SGCZ: variants seen among roughly 807,000 people sequenced by gnomAD.
SGCZ encodes the protein sarcoglycan zeta.
In SGCZ, 40 loss-of-function variants were observed where a neutral mutation model predicts 41.3. That is an observed-to-expected ratio of 0.97 (90% CI 0.75 to 1.26). The LOEUF is 1.26. Ranked by LOEUF, SGCZ falls within the 50% of genes most tolerant of loss-of-function variation. SGCZ has a pLI of 0.00. For synonymous variants in SGCZ, 206 were observed against 137.5 expected (o/e 1.50, Z -3.49); for missense variants, 552 against 369.8 (o/e 1.49, Z -4.04).
chr8:14,666,201 AAGC>A (rs1372865747), intron 1 of SGCZ, among the ~76,000 whole-genome samples: 1 of 152,194 alleles, frequency 6.6e-6, no homozygotes, highest in African/African-American at 2.4e-5. Context: ...AAGTCTCATG[AAGC>A]ATCCTATTAC....
intron 2 of SGCZ, among the ~76,000 whole-genome samples, chr8:14,486,172 C>T (rs1801668790): frequency 6.6e-6 from 1 of 152,126 alleles, no homozygotes; most frequent in African/African-American, 2.4e-5. Context: ...TAAATATAGC[C>T]ACACTATCTT....
At chr8:14,113,330 T>C (rs369554072) in intron 5 of SGCZ, among the ~76,000 whole-genome samples, 31 of 152,240 alleles carry the variant, frequency 2.0e-4, no homozygotes, top group African/African-American at 7.5e-4. Flanking sequence ...TCTGAACATA[T>C]TTAGGGTTTA....
At chr8:14,358,981 T>G in intron 2 of SGCZ, among the ~76,000 whole-genome samples, 1 of 152,282 alleles carries the variant, frequency 6.6e-6, no homozygotes, top group East Asian at 1.9e-4. Context: ...CCTGCTCTTT[T>G]GTTTTTTGAA....
Position 15,237,662 on chromosome 8 carries a change from T to C in SGCZ, c.-39A>G. 1 of 1,565,136 alleles carries C rather than the reference T, an allele frequency of 6.4e-7. No homozygotes were observed. On this transcript the variant is annotated 5_prime_UTR_variant, in exon 1 of 8. Coordinates refer to ENST00000382080, the MANE Select transcript of SGCZ (RefSeq NM_139167.4). ...ACGAAGTGGAGAGGAACCGGGCGAG[T>C]GGCACCCAAAAACAATCTAGTCTTT... is the stretch of plus-strand genomic sequence containing the variant.
intron 2 of SGCZ, among the ~76,000 whole-genome samples, chr8:14,440,660 T>C (rs984620179): frequency 1.3e-5 from 2 of 150,002 alleles, no homozygotes; most frequent in Admixed American, 6.8e-5. Context: ...CATGTATATA[T>C]GTGTCTGTAT....
intron 1 of SGCZ, among the ~76,000 whole-genome samples, chr8:14,789,159 C>T (rs1416149218): frequency 1.3e-5 from 2 of 152,036 alleles, no homozygotes; most frequent in Non-Finnish European, 2.9e-5. Context: ...ACACTGGGCA[C>T]TATGCACGAT....
At chr8:14,551,561 A>ATATATAATATATAATATATAT (rs1803851533) in intron 2 of SGCZ, among the ~76,000 whole-genome samples, 7 of 17,900 alleles carry the variant, frequency 3.9e-4, no homozygotes, top group African/African-American at 7.1e-4. Flanking sequence ...AATATATATT[A>ATATATAATATATAATATATAT]TATATATAAT....
intron 1 of SGCZ, among the ~76,000 whole-genome samples, chr8:15,084,355 C>T (rs937415685): frequency 6.6e-6 from 1 of 152,142 alleles, no homozygotes; most frequent in African/African-American, 2.4e-5. Context: ...AGATTATTGA[C>T]TACATGTCAC....
chr8:14,326,030 C>G (rs563535839), intron 2 of SGCZ, among the ~76,000 whole-genome samples: 8 of 138,148 alleles, frequency 5.8e-5, no homozygotes, highest in Admixed American at 2.3e-4. Flanking sequence ...GAGAATGGCA[C>G]GAACCCGGGA....
intron 2 of SGCZ, among the ~76,000 whole-genome samples, chr8:14,399,448 A>T (rs1486761202): frequency 6.6e-6 from 1 of 152,080 alleles, no homozygotes; most frequent in East Asian, 1.9e-4. Flanking sequence ...GTTTTTTAAA[A>T]TGTCTTTCTC....
At chr8:15,032,000 G>A (rs955144004) in intron 1 of SGCZ, among the ~76,000 whole-genome samples, 2 of 145,326 alleles carry the variant, frequency 1.4e-5, no homozygotes, top group South Asian at 2.3e-4. Context: ...ACCAAATGTC[G>A]GACAGAAAAA....
intron 1 of SGCZ, among the ~76,000 whole-genome samples, chr8:14,935,625 T>TA (rs1419404567): frequency 2.0e-5 from 3 of 151,692 alleles, no homozygotes; most frequent in Admixed American, 2.0e-4. Context: ...AAGGTGCAGA[T>TA]AAAAAGTCAA....
intron 1 of SGCZ, among the ~76,000 whole-genome samples, chr8:14,949,240 G>C (rs368950749): frequency 6.6e-6 from 1 of 152,124 alleles, no homozygotes; most frequent in South Asian, 2.1e-4. Context: ...AATGATAATA[G>C]TAGCTATAAA....
intron 1 of SGCZ, among the ~76,000 whole-genome samples, chr8:14,934,581 T>C (rs1275183927): frequency 6.6e-6 from 1 of 151,650 alleles, no homozygotes; most frequent in East Asian, 1.9e-4. Flanking sequence ...AATAGAGAAA[T>C]ATGAAATAAG....
intron 1 of SGCZ, among the ~76,000 whole-genome samples, chr8:15,207,858 T>C (rs11203682): frequency 0.78 from 118,726 of 151,940 alleles, 46,839 homozygotes; most frequent in Non-Finnish European, 0.83. Context: ...ACATAGAAAA[T>C]ATACCTGTTA....
At chr8:14,784,616 T>C (rs1800695762) in intron 1 of SGCZ, among the ~76,000 whole-genome samples, 1 of 151,862 alleles carries the variant, frequency 6.6e-6, no homozygotes, top group South Asian at 2.1e-4. Context: ...TGTAGATAAT[T>C]GCTTTATTTA....
intron 1 of SGCZ, among the ~76,000 whole-genome samples, chr8:14,651,540 C>T (rs1237679765): frequency 6.6e-6 from 1 of 152,046 alleles, no homozygotes; most frequent in Non-Finnish European, 1.5e-5. Flanking sequence ...CCCATTACCT[C>T]TCTTTTGTGT....
At chr8:14,272,998 A>G (rs1800111932) in intron 3 of SGCZ, among the ~76,000 whole-genome samples, 1 of 152,086 alleles carries the variant, frequency 6.6e-6, no homozygotes, top group African/African-American at 2.4e-5. Context: ...ACAAAGTTAC[A>G]TTTAAGTAAA....
chr8:14,265,810 C>T (rs1585298923), intron 3 of SGCZ, among the ~76,000 whole-genome samples: 1 of 150,458 alleles, frequency 6.6e-6, no homozygotes, highest in East Asian at 1.9e-4. Flanking sequence ...CACAGAAATC[C>T]TAGACTTGAA....
Sources: gnomAD v4.1 joint callset for allele counts (sites outside exome capture counted in the v4.1 genomes callset) on GRCh38, gnomAD v4.1.1 for gene constraint, MANE v1.5 for transcripts, NCBI Gene and HGNC (gene_info 2026-07-23, HGNC 2026-07-21) for gene names.